The following PRPSAP2 variants were observed in gnomAD, a reference collection of about 807,000 sequenced individuals.
The protein encoded by PRPSAP2 is phosphoribosyl pyrophosphate synthase-associated protein 2.
PRPSAP2 carries 24 observed loss-of-function variants against 40.6 expected under a neutral mutation model. The ratio of observed to expected loss-of-function variants is 0.59; its 90% confidence interval spans 0.43 to 0.83. The LOEUF (loss-of-function observed/expected upper bound fraction) is 0.83, where lower values mean the gene tolerates loss of function less well. Ranked by LOEUF, PRPSAP2 falls within the 40% of genes least tolerant of loss-of-function variation. The probability of loss-of-function intolerance (pLI) is 0.00; values close to 1 mark genes in which losing one functional copy is unlikely to be tolerated. For missense variants in PRPSAP2, 292 were observed against 465.6 expected, an observed-to-expected ratio of 0.63 and a Z score of 3.43; for synonymous variants, 149 against 164.7, an observed-to-expected ratio of 0.90 and a Z score of 0.73.
At chr17:18,861,776 T>C (rs146070867) in intron 1 of PRPSAP2, among the ~76,000 whole-genome samples, 6 of 152,282 alleles carry the variant, frequency 3.9e-5, no homozygotes, top group African/African-American at 1.4e-4. Flanking sequence ...TTGAAATAGT[T>C]TGGAGGCCAT....
rs530075127 is a variant in PRPSAP2, at chr17:18,907,413, G to A, written c.585-3690G>A. Among the ~76,000 whole-genome samples, 6 of 152,310 alleles carry A rather than the reference G, an allele frequency of 3.9e-5. No individual in the cohort carries two copies. The South Asian group carries it at 1.0e-3, about 26-fold the overall frequency. On this transcript the variant is annotated intron_variant, in intron 8 of 11. Transcript: ENST00000268835. ...TTTCAAAGTATATGAAGCAAACACTGATAACTGCAAGGAGAAATAGATATA... is the reference window on the plus strand; with the variant it reads ...TTTCAAAGTATATGAAGCAAACACTAATAACTGCAAGGAGAAATAGATATA...
chr17:18,862,760 TTTTA>T (rs1258407964), intron 1 of PRPSAP2, among the ~76,000 whole-genome samples: 6 of 152,162 alleles, frequency 3.9e-5, no homozygotes, highest in Non-Finnish European at 5.9e-5. Flanking sequence ...ATTAGTTTGT[TTTTA>T]TTTATTTTCC....
chr17:18,871,311 T>C (rs2037848179), intron 4 of PRPSAP2, among the ~76,000 whole-genome samples: 1 of 152,196 alleles, frequency 6.6e-6, no homozygotes, highest in Admixed American at 6.6e-5. Context: ...TGAGCCACCG[T>C]GCCCAGCCTA....
intron 10 of PRPSAP2, among the ~76,000 whole-genome samples, chr17:18,926,441 A>AT (rs988789958): frequency 4.6e-5 from 7 of 150,760 alleles, no homozygotes; most frequent in Admixed American, 2.0e-4. Flanking sequence ...TAATTTTTGT[A>AT]TTTTTTTTGT....
intron 7 of PRPSAP2, among the ~76,000 whole-genome samples, chr17:18,886,929 CTTTT>C (rs71155365): frequency 0.015 from 1,103 of 75,380 alleles, 12 homozygotes; most frequent in African/African-American, 0.055. Context: ...TTCTTTTCTT[CTTTT>C]TTTTTTTTTT....
At chr17:18,902,777 G>A (rs1481114840) in intron 8 of PRPSAP2, among the ~76,000 whole-genome samples, 2 of 149,260 alleles carry the variant, frequency 1.3e-5, no homozygotes, top group African/African-American at 5.0e-5. Flanking sequence ...GCTGAGGCAG[G>A]AGAATTGCTT....
chr17:18,894,574 G>C (rs2039796270), intron 8 of PRPSAP2, among the ~76,000 whole-genome samples: 2 of 149,886 alleles, frequency 1.3e-5, no homozygotes. Context: ...CCGCCTCCTG[G>C]GTTTAAGCAA....
intron 8 of PRPSAP2, among the ~76,000 whole-genome samples, chr17:18,907,965 C>T (rs2040700210): frequency 6.6e-6 from 1 of 152,082 alleles, no homozygotes; most frequent in South Asian, 2.1e-4. Context: ...GATGATGAAA[C>T]CCCATCTCTA....
chr17:18,901,765 CA>C (rs960907830), intron 8 of PRPSAP2, among the ~76,000 whole-genome samples: 64 of 151,870 alleles, frequency 4.2e-4, no homozygotes, highest in African/African-American at 1.5e-3. Flanking sequence ...CTAGTGGAAG[CA>C]GAAGTGACAA....
chr17:18,872,085 A>G (rs1243205907), intron 4 of PRPSAP2, among the ~76,000 whole-genome samples: 1 of 152,102 alleles, frequency 6.6e-6, no homozygotes, highest in Non-Finnish European at 1.5e-5. Context: ...CCTGGCTAAC[A>G]TGGTGAAACC....
chr17:18,866,229 G>C (rs894905550), intron 3 of PRPSAP2, among the ~76,000 whole-genome samples: 1 of 151,854 alleles, frequency 6.6e-6, no homozygotes, highest in Non-Finnish European at 1.5e-5. Flanking sequence ...AAGTGCCAGG[G>C]ATTGTGTTAG....
chr17:18,923,101 A>T (rs2151970439), intron 9 of PRPSAP2, among the ~76,000 whole-genome samples: 1 of 146,006 alleles, frequency 6.8e-6, no homozygotes, highest in African/African-American at 2.5e-5. Flanking sequence ...TTATTTATTT[A>T]TTTTTTGAGA....
intron 8 of PRPSAP2, among the ~76,000 whole-genome samples, chr17:18,892,836 G>A (rs2039658622): frequency 6.6e-6 from 1 of 151,648 alleles, no homozygotes; most frequent in Non-Finnish European, 1.5e-5. Flanking sequence ...CCAGGTTTAA[G>A]CGATTCTCCT....
At position 18,882,575 on chromosome 17, in the gene PRPSAP2, T is replaced by C. The variant is rs2038839213; in HGVS notation, c.420T>C (p.Thr140=). Reference sequence around the variant, plus strand: ...TCTGCTTTATTTTCAAAGGTCTAACTCATCTTATTACTATGGATTTACACC... The same window carrying C: ...TCTGCTTTATTTTCAAAGGTCTAACCCATCTTATTACTATGGATTTACACC... ...LASMMCKAGL[T]HLITMDLHQK... Residue 140 remains threonine, a synonymous_variant, in exon 7 of 12, where the codon ACT becomes ACC. Coordinates refer to ENST00000268835, the MANE Select transcript of PRPSAP2 (RefSeq NM_002767.4). 6.4e-7 allele frequency: 1 copy of C among 1,563,328 alleles called. No individual in the cohort carries two copies. The highest frequency in any genetic ancestry group is 8.8e-7 in the Non-Finnish European group (1 of 1,135,240).
chr17:18,879,660 G>A (rs1597581386), intron 6 of PRPSAP2, among the ~76,000 whole-genome samples: 1 of 151,966 alleles, frequency 6.6e-6, no homozygotes. Context: ...CACCATGTTG[G>A]CCATGCTTGT....
At chr17:18,896,237 A>G (rs1042429891) in intron 8 of PRPSAP2, among the ~76,000 whole-genome samples, 2 of 152,178 alleles carry the variant, frequency 1.3e-5, no homozygotes, top group Non-Finnish European at 1.5e-5. Context: ...CCCTGTGCCA[A>G]TTCTGTAAAG....
At chr17:18,877,925 T>C in intron 6 of PRPSAP2, 55 bp downstream of exon 6, 1 of 1,498,946 alleles carries the variant, frequency 6.7e-7, no homozygotes, top group Admixed American at 2.0e-5. Context: ...TTTATTTATT[T>C]ATTCTCTCTT....
In PRPSAP2 at chr17:18,930,750, T is replaced by C. The variant is rs182028330; in HGVS notation, c.*52T>C. On this transcript the variant is annotated 3_prime_UTR_variant, in exon 12 of 12. Transcript: ENST00000268835. ...GCCAAACTGGAAACATAAGAGTGACTGCTCGGTGGGATGGATTTCACAGGA... is the reference window on the plus strand; with the variant it reads ...GCCAAACTGGAAACATAAGAGTGACCGCTCGGTGGGATGGATTTCACAGGA... 1,143 of 1,487,428 alleles carry C rather than the reference T, an allele frequency of 7.7e-4. No individual in the cohort carries two copies. The highest frequency in any genetic ancestry group is 9.6e-4 in the Non-Finnish European group (1,048 of 1,088,406). The allele number at this position is 1,487,428 out of a possible 1,614,324, so 92.1% of individuals were successfully genotyped here.
At chr17:18,857,347 T>G (rs2036646207), upstream of PRPSAP2, among the ~76,000 whole-genome samples, 1 of 150,974 alleles carries the variant, frequency 6.6e-6, no homozygotes, top group South Asian at 2.1e-4. Context: ...AACAAAAAAC[T>G]AACAAACGAA....
Sources: allele counts gnomAD v4.1 joint callset (sites outside exome capture counted in the v4.1 genomes callset), GRCh38; gene constraint gnomAD v4.1.1; transcripts MANE v1.5; gene names NCBI Gene and HGNC (gene_info 2026-07-23, HGNC 2026-07-21).